The following MOV10 variants were observed in gnomAD, a reference collection of about 807,000 sequenced individuals.
The protein encoded by MOV10 is Mov10 RNA helicase.
A neutral mutation model predicts 108.4 loss-of-function variants in MOV10; 39 were observed. The observed-to-expected ratio is 0.36, with a 90% confidence interval of 0.28 to 0.47. The LOEUF is 0.47. Ranked by LOEUF, MOV10 falls within the 20% of genes least tolerant of loss-of-function variation. The pLI is 1.00. For missense variants in MOV10, 952 were observed against 1,297.6 expected, an observed-to-expected ratio of 0.73 and a Z score of 4.09; for synonymous variants, 490 against 523.1, an observed-to-expected ratio of 0.94 and a Z score of 0.86.
chr1:112,683,102 T>G (rs1399873154), intron 2 of MOV10, among the ~76,000 whole-genome samples: 5 of 151,372 alleles, frequency 3.3e-5, no homozygotes, highest in African/African-American at 1.2e-4. Flanking sequence ...TTTTTTTTTG[T>G]AGAGACGGGG....
intron 2 of MOV10, chr1:112,687,121 C>T (rs1447875910): frequency 1.1e-5 from 5 of 440,930 alleles, no homozygotes; most frequent in Non-Finnish European, 9.2e-6. Context: ...GTTGTTACTA[C>T]TCCTACTACT....
rs901529263 is a variant in MOV10, at chr1:112,697,878, G to A, written c.2199-116G>A. The A allele has an allele frequency of 7.5e-6, 6 of 802,350 alleles. No homozygotes were observed. In the African/African-American group the frequency reaches 1.0e-4, roughly 14 times the overall value. The allele number at this position is 802,350 out of a possible 1,614,324, so 49.7% of individuals were successfully genotyped here. On this transcript the variant is annotated intron_variant, in intron 14 of 20. Transcript: ENST00000369645. ...TTATGGAGGAGTGTCCTGCTATCCAGGGAGCCAGCGGGGTAGCAGGCTATT... is the reference window on the plus strand; with the variant it reads ...TTATGGAGGAGTGTCCTGCTATCCAAGGAGCCAGCGGGGTAGCAGGCTATT...
chr1:112,688,878 C>G lies in MOV10; in HGVS notation c.138-57C>G, dbSNP rs1570777126. ...TCCGATGCCCTTTCCCACCCGCCGC[C>G]CTGCCTCCCTCGAGCCCTGCCTTCC... On this transcript the variant is annotated intron_variant, in intron 2 of 20. Coordinates refer to ENST00000369645, the MANE Select transcript of MOV10 (RefSeq NM_001321324.2). 4.4e-6 allele frequency: 7 copies of G among 1,608,126 alleles called. No homozygotes were observed. The South Asian group carries it at 7.7e-5, about 18-fold the overall frequency.
intron 17 of MOV10, 98 bp downstream of exon 17, chr1:112,698,887 G>A (rs927129295): frequency 1.0e-5 from 10 of 1,004,700 alleles, no homozygotes; most frequent in South Asian, 2.6e-5. Flanking sequence ...CCACGTCCCC[G>A]TCCCACCCCT....
chr1:112,686,700 A>G (rs759234496), intron 2 of MOV10, among the ~76,000 whole-genome samples: 3 of 151,632 alleles, frequency 2.0e-5, no homozygotes, highest in Non-Finnish European at 4.4e-5. Context: ...AGTCCCTCCA[A>G]CCCCTCCTCC....
chr1:112,674,895 G>A lies in MOV10; in HGVS notation c.-18G>A. The A allele has an allele frequency of 6.4e-7, 1 of 1,551,880 alleles. No homozygotes were observed. Among genetic ancestry groups the A allele is most frequent in the African/African-American group, 1.4e-5 (1 of 69,930 alleles). ...CATTTCCACGGACCCTCCTGCCTGGGCCGCAGCCGCCGCCGCGATGCCCAG... is the reference window on the plus strand; with the variant it reads ...CATTTCCACGGACCCTCCTGCCTGGACCGCAGCCGCCGCCGCGATGCCCAG... On this transcript the variant is annotated 5_prime_UTR_variant, in exon 2 of 21. Transcript: ENST00000369645.
Position 112,686,621 on chromosome 1 carries a change from C to T in MOV10, c.138-2314C>T, listed in dbSNP as rs569824142. Among the ~76,000 whole-genome samples, 17 of 152,274 alleles carry T rather than the reference C, an allele frequency of 1.1e-4. No individual in the cohort carries two copies. In the South Asian group the frequency reaches 3.3e-3, roughly 30 times the overall value. On this transcript the variant is annotated intron_variant, in intron 2 of 20. Transcript: ENST00000369645. ...TGGCCTGAGTTCTCAGCTTCTGACT[C>T]GTGGAGCTGGTTGCCTCTGGACCAC...
chr1:112,697,500 G>T (rs191097286), intron 14 of MOV10, among the ~76,000 whole-genome samples: 2 of 152,052 alleles, frequency 1.3e-5, no homozygotes, highest in African/African-American at 4.8e-5. Context: ...GGAAGATACA[G>T]TTTTTTCATA....
chr1:112,686,518 C>G (rs1038192644), intron 2 of MOV10, among the ~76,000 whole-genome samples: 5 of 152,182 alleles, frequency 3.3e-5, no homozygotes, highest in African/African-American at 1.2e-4. Context: ...TACTCACACT[C>G]CCTGGGGAGA....
chr1:112,699,680 A>G lies in MOV10; in HGVS notation c.2584-5A>G. On this transcript the variant is annotated splice_polypyrimidine_tract_variant and splice_region_variant and intron_variant, in intron 17 of 20. Coordinates refer to ENST00000369645, the MANE Select transcript of MOV10 (RefSeq NM_001321324.2). ...GGTCTCAGGCCCTGCCTCTTTCCCC[A>G]CTAGGTGGGTTCAGTAGAAGAATTC... 6.2e-7 allele frequency: 1 copy of G among 1,614,082 alleles called. No homozygotes were observed. Among genetic ancestry groups the G allele is most frequent in the Non-Finnish European group, 8.5e-7 (1 of 1,180,004 alleles).
intron 5 of MOV10, 58 bp from the exon 6 acceptor site, chr1:112,691,607 G>T (rs891885049): frequency 6.3e-7 from 1 of 1,583,654 alleles, no homozygotes; most frequent in East Asian, 2.3e-5. Flanking sequence ...CCAGAGGGGC[G>T]TTCTCAGAGT....
In MOV10 at chr1:112,695,545, G is replaced by A; in HGVS notation, c.1750G>A (p.Asp584Asn). ...SIYRLLAPSR[D>N]IRMVPEDIKP... ...CTACCGCCTCCTGGCCCCCAGCAGGGACATCCGCATGGTACCTGAGGACAT... is the reference window on the plus strand; with the variant it reads ...CTACCGCCTCCTGGCCCCCAGCAGGAACATCCGCATGGTACCTGAGGACAT... Residue 584 changes from aspartate to asparagine, a missense_variant, in exon 11 of 21, where the codon GAC becomes AAC. Physicochemically the swap from Asp to Asn is conservative, Grantham distance 23. Transcript: ENST00000369645. 1 of 1,614,112 alleles carries A rather than the reference G, an allele frequency of 6.2e-7. No homozygotes were observed. The highest frequency in any genetic ancestry group is 8.5e-7 in the Non-Finnish European group (1 of 1,180,024).
intron 2 of MOV10, among the ~76,000 whole-genome samples, chr1:112,681,435 A>G (rs1557751830): frequency 1.3e-5 from 2 of 152,090 alleles, no homozygotes; most frequent in African/African-American, 2.4e-5. Context: ...CGGAAGTTGC[A>G]GTGAGCCAAG....
rs185201525 is a variant in MOV10, at chr1:112,696,950, G to A, written c.2198+104G>A. On this transcript the variant is annotated intron_variant, in intron 14 of 20. Coordinates refer to ENST00000369645, the MANE Select transcript of MOV10 (RefSeq NM_001321324.2). ...TTGCTGTCAGTCCTGTTGCTCAGAG[G>A]TTGTGTGATGCAGAAAGACTAAACT... 7.4e-6 allele frequency: 7 copies of A among 952,358 alleles called. No homozygotes were observed. In the East Asian group the frequency reaches 1.6e-4, roughly 22 times the overall value. 59.0% of individuals were successfully genotyped at this position (952,358 alleles called of 1,614,324 possible).
In MOV10 at chr1:112,694,552, G is replaced by C. The variant is rs139169145; in HGVS notation, c.1395G>C (p.Gly465=). The C allele has an allele frequency of 3.7e-6, 6 of 1,614,096 alleles. 1 individual carries two copies. In the Admixed American group the frequency reaches 6.7e-5, roughly 18 times the overall value. Residue 465 remains glycine, a synonymous_variant, in exon 9 of 21, where the codon GGG becomes GGC. Transcript: ENST00000369645. This position sits in a 1 kb window ranked among gnomAD's most constrained non-coding sequence, Gnocchi z 4.1. ...RVQHRALELT[G]RWLLWPMLFP... is the part of the protein sequence containing the mutation. ...AGCACCGTGCCCTGGAGCTGACAGG[G>C]CGCTGGCTGCTGTGGCCCATGCTCT...
chr1:112,689,995 C>T lies in MOV10; in HGVS notation c.733C>T (p.Pro245Ser), dbSNP rs369968810. ...CTTCTTGGCTGCCGTCGCCCACAGC[C>T]CCCTGGCTGCACAGCTGAAGCCCAT... ...ARFLAAVAHSPLAAQLKPMTP... is the reference protein window; with the variant it reads ...ARFLAAVAHSSLAAQLKPMTP... The change falls in exon 5 of 21, where the codon CCC becomes TCC. Residue 245 changes from proline (P) to serine (S), a missense_variant. Coordinates refer to ENST00000369645, the MANE Select transcript of MOV10 (RefSeq NM_001321324.2). 7 of 1,614,054 alleles carry T rather than the reference C, an allele frequency of 4.3e-6. No homozygotes were observed. In the African/African-American group the frequency reaches 8.0e-5, roughly 18 times the overall value.
Position 112,698,405 on chromosome 1 carries a change from C to T in MOV10, c.2435C>T (p.Ala812Val). 6.2e-7 allele frequency: 1 copy of T among 1,614,220 alleles called. No individual in the cohort carries two copies. The highest frequency in any genetic ancestry group is 1.1e-5 in the South Asian group (1 of 91,084). Reference protein sequence around the residue: ...TVTSYLKLLLAPSSKKGKARL... With the variant: ...TVTSYLKLLLVPSSKKGKARL... ...ACTTCCTACCTGAAGCTGCTCCTGG[C>T]CCCCTCCTCCAAGAAGGGCAAAGCT... The change falls in exon 16 of 21, where the codon GCC (alanine) becomes GTC (valine). Residue 812 changes from alanine to valine, a missense_variant. Coordinates refer to ENST00000369645, the MANE Select transcript of MOV10 (RefSeq NM_001321324.2).
intron 2 of MOV10, among the ~76,000 whole-genome samples, chr1:112,681,527 C>A (rs1672651927): frequency 6.6e-6 from 1 of 152,038 alleles, no homozygotes; most frequent in South Asian, 2.1e-4. Flanking sequence ...CCACGTCCTA[C>A]TCTCTCAACT....
At chr1:112,698,194 G>A (rs1674284074) in intron 15 of MOV10, 83 bp downstream of exon 15, 1 of 1,596,058 alleles carries the variant, frequency 6.3e-7, no homozygotes, top group Non-Finnish European at 8.6e-7. Context: ...TGTCACCTTG[G>A]CCTAGGATCT....
Sources: gnomAD v4.1 joint callset for allele counts (sites outside exome capture counted in the v4.1 genomes callset) on GRCh38, gnomAD v4.1.1 for gene constraint, Gnocchi (gnomAD v3.1) non-coding constraint, MANE v1.5 for transcripts, NCBI Gene and HGNC (gene_info 2026-07-23, HGNC 2026-07-21) for gene names.